OPCML: variants seen among roughly 807,000 people sequenced by gnomAD.
OPCML encodes the protein opioid binding protein/cell adhesion molecule like, also known as opioid-binding protein/cell adhesion molecule.
A neutral mutation model predicts 37.8 loss-of-function variants in OPCML; 13 were observed. The observed-to-expected ratio is 0.34, with a 90% CI of 0.22 to 0.55. The LOEUF (loss-of-function observed/expected upper bound fraction) is 0.55, where lower values mean the gene tolerates loss of function less well. Among genes scored for constraint, OPCML ranks in the 20% least tolerant of loss-of-function variants. The pLI, the probability that OPCML is intolerant of heterozygous loss-of-function variation, is 0.91. For synonymous variants in OPCML, 176 were observed against 168.8 expected (o/e 1.04, Z -0.33); for missense variants, 341 against 435.6 (o/e 0.78, Z 1.93).
chr11:133,477,598 T>C (rs1361527924), intron 1 of OPCML, among the ~76,000 whole-genome samples: 1 of 152,194 alleles, frequency 6.6e-6, no homozygotes, highest in East Asian at 1.9e-4. Flanking sequence ...GGACCTTTTC[T>C]ACACTGTCCA....
intron 2 of OPCML, among the ~76,000 whole-genome samples, chr11:132,796,636 C>CGAT (rs1938333508): frequency 7.1e-6 from 1 of 140,188 alleles, no homozygotes; most frequent in Non-Finnish European, 1.5e-5. Context: ...TGCAGTGGCA[C>CGAT]GATCTCGGCT....
At chr11:133,054,006 C>T (rs1434176232) in intron 1 of OPCML, among the ~76,000 whole-genome samples, 3 of 152,212 alleles carry the variant, frequency 2.0e-5, no homozygotes, top group African/African-American at 7.2e-5. Context: ...AACACCATTG[C>T]CATTCTTACT....
chr11:133,452,381 TTTAAGAACTATTTTTTTCTTAATTAAA>T (rs1185247745), intron 1 of OPCML, among the ~76,000 whole-genome samples: 1 of 151,626 alleles, frequency 6.6e-6, no homozygotes, highest in Non-Finnish European at 1.5e-5. Context: ...AAATAGTTCT[TTTAAGAACTATTTTTTTCTTAATTAAA>T]AATATCATAT....
chr11:133,185,068 C>T (rs1481811658), intron 1 of OPCML, among the ~76,000 whole-genome samples: 1 of 152,122 alleles, frequency 6.6e-6, no homozygotes, highest in Non-Finnish European at 1.5e-5. Context: ...GCTTTCAAAC[C>T]TCATACTCAC....
chr11:132,690,752 T>G (rs1943368871), intron 2 of OPCML, among the ~76,000 whole-genome samples: 1 of 152,146 alleles, frequency 6.6e-6, no homozygotes, highest in Non-Finnish European at 1.5e-5. Flanking sequence ...GAAACCAAGA[T>G]TATAGCATTG....
chr11:133,064,191 G>A (rs1257814733), intron 1 of OPCML, among the ~76,000 whole-genome samples: 6 of 152,170 alleles, frequency 3.9e-5, no homozygotes, highest in Non-Finnish European at 8.8e-5. Context: ...GAGGGAAGGA[G>A]AGGAACGCCG....
intron 1 of OPCML, among the ~76,000 whole-genome samples, chr11:133,182,838 G>A (rs1310819031): frequency 6.6e-6 from 1 of 152,156 alleles, no homozygotes; most frequent in Non-Finnish European, 1.5e-5. Context: ...GATGGCTGCT[G>A]AGAACCGTCA....
At chr11:132,784,170 A>G (rs945953647) in intron 2 of OPCML, among the ~76,000 whole-genome samples, 2 of 152,188 alleles carry the variant, frequency 1.3e-5, no homozygotes, top group African/African-American at 4.8e-5. Context: ...CCAGGGTGCT[A>G]TAATTCAAAC....
rs568355495 is a variant in OPCML at position 132,639,446 on chromosome 11, C to A, written c.379+17641G>T. ...GTTGTAGATTTAAGCTAGCCCCAACCCCTGGGTCCATCACTCATTCCCATA... is the reference window on the plus strand; with the variant it reads ...GTTGTAGATTTAAGCTAGCCCCAACACCTGGGTCCATCACTCATTCCCATA... On this transcript the variant is annotated intron_variant, in intron 3 of 7. Transcript: ENST00000524381. Among the ~76,000 whole-genome samples the A allele has an allele frequency of 2.0e-3, 310 of 152,306 alleles. 3 individuals carry two copies. Among genetic ancestry groups the A allele is most frequent in the Non-Finnish European group, 3.3e-3 (227 of 68,030 alleles).
intron 2 of OPCML, among the ~76,000 whole-genome samples, chr11:132,818,377 G>T (rs543960007): frequency 6.6e-6 from 1 of 151,830 alleles, no homozygotes; most frequent in African/African-American, 2.4e-5. Context: ...CCTCCGTAAC[G>T]TGGGTGGACT....
intron 2 of OPCML, among the ~76,000 whole-genome samples, chr11:132,916,247 C>T (rs931082265): frequency 6.6e-6 from 1 of 152,160 alleles, no homozygotes; most frequent in African/African-American, 2.4e-5. Flanking sequence ...TTCAAATCAG[C>T]TTTACAGTCT....
intron 1 of OPCML, among the ~76,000 whole-genome samples, chr11:133,169,706 A>C (rs1416292082): frequency 6.6e-6 from 1 of 152,198 alleles, no homozygotes; most frequent in African/African-American, 2.4e-5. Flanking sequence ...GGATCAGTGG[A>C]GCAACAAATT....
intron 2 of OPCML, among the ~76,000 whole-genome samples, chr11:132,659,602 C>T (rs6590647): frequency 0.51 from 78,001 of 151,978 alleles, 20,153 homozygotes; most frequent in Middle Eastern, 0.6. Flanking sequence ...CTTGCACATT[C>T]TTAAGTTGCC....
Position 132,436,790 on chromosome 11 carries a change from C to T in OPCML, c.644-11G>A, listed in dbSNP as rs1285823307. 7.4e-7 allele frequency: 1 copy of T among 1,349,912 alleles called. No homozygotes were observed. Among genetic ancestry groups the T allele is most frequent in the South Asian group, 1.5e-5 (1 of 67,510 alleles). The allele number at this position is 1,349,912 out of a possible 1,614,324, so 83.6% of individuals were successfully genotyped here. A position where few individuals can be genotyped will look rare whatever the true frequency, so the allele number is the denominator to read the frequency against. On this transcript the variant is annotated splice_polypyrimidine_tract_variant and intron_variant, in intron 5 of 7. Coordinates refer to ENST00000524381, the MANE Select transcript of OPCML (RefSeq NM_001012393.5). ...AGATATAGGGAGGATCTGTGGGAAA[C>T]ACACACACACACATGCACAGGCATG...
At chr11:133,389,260 A>T (rs1945118850) in intron 1 of OPCML, among the ~76,000 whole-genome samples, 1 of 152,228 alleles carries the variant, frequency 6.6e-6, no homozygotes, top group Non-Finnish European at 1.5e-5. Context: ...ATATGTATGC[A>T]AGACGAAACA....
chr11:132,988,494 G>A (rs1359865807), intron 1 of OPCML, among the ~76,000 whole-genome samples: 1 of 152,188 alleles, frequency 6.6e-6, no homozygotes, highest in Non-Finnish European at 1.5e-5. Context: ...AGATAGTAAA[G>A]GCATCAAGAA....
chr11:133,063,175 G>A (rs1473281049), intron 1 of OPCML, among the ~76,000 whole-genome samples: 1 of 152,354 alleles, frequency 6.6e-6, no homozygotes, highest in Non-Finnish European at 1.5e-5. Flanking sequence ...AGGGGCTCCA[G>A]TCTATAAGAG....
At chr11:132,543,857 C>A (rs1268523440) in intron 3 of OPCML, among the ~76,000 whole-genome samples, 2 of 152,124 alleles carry the variant, frequency 1.3e-5, no homozygotes, top group Non-Finnish European at 2.9e-5. Context: ...CAATTAGCTT[C>A]CCAAATAATT....
intron 2 of OPCML, among the ~76,000 whole-genome samples, chr11:132,744,262 T>G (rs905247074): frequency 6.6e-6 from 1 of 152,214 alleles, no homozygotes; most frequent in East Asian, 1.9e-4. Flanking sequence ...CCATTTTTTA[T>G]GCACTCGCTT....
Sources: allele counts gnomAD v4.1 joint callset (sites outside exome capture counted in the v4.1 genomes callset), GRCh38; gene constraint gnomAD v4.1.1; transcripts MANE v1.5; gene names NCBI Gene and HGNC (gene_info 2026-07-23, HGNC 2026-07-21).